TFEC: variants seen among roughly 807,000 people sequenced by gnomAD.
The protein encoded by TFEC is class E basic helix-loop-helix protein 34.
Under a neutral mutation model 41.6 loss-of-function variants are expected in TFEC, and 31 were observed. That is an observed-to-expected ratio of 0.74 (90% CI 0.56 to 1.01). TFEC has a LOEUF of 1.01. Among genes scored for constraint, TFEC ranks in the 50% least tolerant of loss-of-function variants. TFEC has a pLI of 0.00. For synonymous variants in TFEC, 143 were observed against 140.6 expected, an observed-to-expected ratio of 1.02 and a Z score of -0.12; for missense variants, 402 against 404.1, an observed-to-expected ratio of 0.99 and a Z score of 0.04.
rs202157166 is a variant in TFEC, at chr7:115,980,773, A to AC, written c.180+3488_180+3489insG. ...CCAAACAAAAACAAAACAAAACAAA[A>AC]AAAACAAAAAAAAACAAAAACAAAA... is the stretch of plus-strand genomic sequence containing the variant. On this transcript the variant is annotated intron_variant, in intron 2 of 7. Transcript: ENST00000265440. 3.2e-3 allele frequency among the ~76,000 whole-genome samples: 477 copies of AC among 151,314 alleles called. 1 individual carries two copies. The highest frequency in any genetic ancestry group is 0.011 in the African/African-American group (445 of 41,214).
intron 3 of TFEC, among the ~76,000 whole-genome samples, chr7:115,962,483 A>C (rs1416629130): frequency 1.3e-5 from 2 of 151,802 alleles, no homozygotes; most frequent in Admixed American, 1.3e-4. Context: ...TGTGAGTCTG[A>C]CAATAAGATA....
chr7:116,083,041 C>G (rs1425485559), intron 3 of TFEC, among the ~76,000 whole-genome samples: 3 of 151,642 alleles, frequency 2.0e-5, no homozygotes, highest in African/African-American at 7.3e-5. Flanking sequence ...AAATAAATAG[C>G]TAAAAATATG....
intron 1 of TFEC, among the ~76,000 whole-genome samples, chr7:116,158,187 G>A (rs1344735297): frequency 2.0e-5 from 3 of 152,042 alleles, no homozygotes; most frequent in Non-Finnish European, 4.4e-5. Context: ...GGCATTCTCT[G>A]AGCATCCTAT....
At chr7:116,044,615 G>T (rs1796119500) in intron 3 of TFEC, among the ~76,000 whole-genome samples, 1 of 152,084 alleles carries the variant, frequency 6.6e-6, no homozygotes, top group South Asian at 2.1e-4. Flanking sequence ...CAACTACTTG[G>T]GAAGTACATT....
intron 3 of TFEC, among the ~76,000 whole-genome samples, chr7:115,957,825 A>G (rs554824961): frequency 1.3e-5 from 2 of 152,000 alleles, no homozygotes; most frequent in East Asian, 3.9e-4. Context: ...CAAAACTCCA[A>G]TTCAATTTGA....
At chr7:116,117,978 T>C (rs544241583) in intron 1 of TFEC, among the ~76,000 whole-genome samples, 1 of 151,910 alleles carries the variant, frequency 6.6e-6, no homozygotes, top group South Asian at 2.1e-4. Flanking sequence ...AAATTCTCAG[T>C]TGAGGGAAAA....
intron 1 of TFEC, among the ~76,000 whole-genome samples, chr7:116,130,414 G>A (rs376271832): frequency 1.8e-4 from 27 of 152,116 alleles, no homozygotes; most frequent in African/African-American, 6.3e-4. Context: ...AGATGAAAAT[G>A]GTAATATAGT....
intron 3 of TFEC, among the ~76,000 whole-genome samples, chr7:115,960,264 A>T (rs1792468611): frequency 6.6e-6 from 1 of 151,658 alleles, no homozygotes; most frequent in Admixed American, 6.6e-5. Context: ...AAAGAAAATA[A>T]AACGAAGTTT....
chr7:115,974,659 G>T (rs1431000907), intron 2 of TFEC, among the ~76,000 whole-genome samples: 1 of 150,720 alleles, frequency 6.6e-6, no homozygotes, highest in Non-Finnish European at 1.5e-5. Flanking sequence ...AATATGTACA[G>T]AGATTACTTT....
At chr7:115,967,700 C>A (rs916747414) in intron 3 of TFEC, among the ~76,000 whole-genome samples, 66 of 151,650 alleles carry the variant, frequency 4.4e-4, no homozygotes, top group African/African-American at 1.6e-3. Flanking sequence ...AATAGGAGAT[C>A]CCCTGTCCTT....
At chr7:115,968,472 A>G (rs1056319406) in intron 3 of TFEC, among the ~76,000 whole-genome samples, 2 of 151,874 alleles carry the variant, frequency 1.3e-5, no homozygotes, top group African/African-American at 2.4e-5. Context: ...ATCTTGAACT[A>G]TAACAGTTTA....
chr7:116,100,644 G>C (rs1168980123), intron 3 of TFEC, among the ~76,000 whole-genome samples: 3 of 151,994 alleles, frequency 2.0e-5, no homozygotes, highest in African/African-American at 7.2e-5. Context: ...GAGAATTCAG[G>C]ATAAGATGAA....
chr7:116,055,231 A>T (rs1422830927), intron 3 of TFEC, among the ~76,000 whole-genome samples: 3 of 152,154 alleles, frequency 2.0e-5, no homozygotes, highest in Admixed American at 6.5e-5. Context: ...TTCCATAGTT[A>T]TATTTAAAGC....
At chr7:116,075,940 C>T (rs1796949644) in intron 3 of TFEC, among the ~76,000 whole-genome samples, 1 of 152,192 alleles carries the variant, frequency 6.6e-6, no homozygotes, top group Non-Finnish European at 1.5e-5. Flanking sequence ...CTTGAAAGTG[C>T]CACTTGCTGG....
intron 1 of TFEC, among the ~76,000 whole-genome samples, chr7:116,133,921 C>A (rs1337178220): frequency 6.6e-6 from 1 of 151,936 alleles, no homozygotes; most frequent in Non-Finnish European, 1.5e-5. Context: ...AGTAATAATG[C>A]AAAACAATAG....
chr7:116,081,623 C>A (rs752845410), intron 3 of TFEC, among the ~76,000 whole-genome samples: 3 of 152,012 alleles, frequency 2.0e-5, no homozygotes, highest in Non-Finnish European at 2.9e-5. Flanking sequence ...ACTCGTCTTC[C>A]TAAAGCATGT....
At chr7:115,949,750 G>A (rs1791826634) in intron 6 of TFEC, among the ~76,000 whole-genome samples, 2 of 152,002 alleles carry the variant, frequency 1.3e-5, no homozygotes. Flanking sequence ...AAAAACCCTA[G>A]AAGAAAACCT....
At chr7:116,032,979 G>C (rs901040114), upstream of TFEC, among the ~76,000 whole-genome samples, 1 of 151,898 alleles carries the variant, frequency 6.6e-6, no homozygotes, top group Non-Finnish European at 1.5e-5. Context: ...GCTCCCTTAT[G>C]ACAAGAATGA....
intron 1 of TFEC, among the ~76,000 whole-genome samples, chr7:116,119,758 T>A (rs983873068): frequency 6.6e-6 from 1 of 151,820 alleles, no homozygotes; most frequent in African/African-American, 2.4e-5. Context: ...ATTTTTTAAA[T>A]CTAAAGAGTT....
Sources: gnomAD v4.1 joint callset for allele counts (sites outside exome capture counted in the v4.1 genomes callset) on GRCh38, gnomAD v4.1.1 for gene constraint, MANE v1.5 for transcripts, NCBI Gene and HGNC (gene_info 2026-07-23, HGNC 2026-07-21) for gene names.